The following ROR2 variants were observed in gnomAD, a reference collection of about 807,000 sequenced individuals.
The protein encoded by ROR2 is tyrosine-protein kinase transmembrane receptor ROR2.
Under a neutral mutation model 74.9 loss-of-function variants are expected in ROR2, and 33 were observed. That is an observed-to-expected ratio of 0.44 (90% CI 0.33 to 0.59). The LOEUF (loss-of-function observed/expected upper bound fraction) is 0.59, where lower values mean the gene tolerates loss of function less well. Ranked by LOEUF, ROR2 falls within the 20% of genes least tolerant of loss-of-function variation. ROR2 has a pLI of 0.02. For synonymous variants in ROR2, 586 were observed against 558.7 expected (o/e 1.05, Z -0.69); for missense variants, 1,216 against 1,313.8 (o/e 0.93, Z 1.15).
chr9:91,878,081 C>G (rs1830004102), intron 1 of ROR2, among the ~76,000 whole-genome samples: 2 of 152,134 alleles, frequency 1.3e-5, no homozygotes, highest in Non-Finnish European at 2.9e-5. Context: ...CTGGCTTCCT[C>G]CAGCAAATGG....
chr9:91,853,824 C>A (rs1007415936), intron 1 of ROR2, among the ~76,000 whole-genome samples: 6 of 152,134 alleles, frequency 3.9e-5, no homozygotes, highest in African/African-American at 1.4e-4. Context: ...GCAGCAAGGA[C>A]TGTGGGAAAT....
chr9:91,896,229 T>C (rs888024637), intron 1 of ROR2, among the ~76,000 whole-genome samples: 1 of 152,206 alleles, frequency 6.6e-6, no homozygotes, highest in African/African-American at 2.4e-5. Context: ...CATCTCTCCT[T>C]AGACTGCGTG....
At chr9:91,858,298 C>T (rs1394778038) in intron 1 of ROR2, among the ~76,000 whole-genome samples, 9 of 152,236 alleles carry the variant, frequency 5.9e-5, no homozygotes, top group Non-Finnish European at 1.3e-4. Flanking sequence ...CATGCATCCA[C>T]ACGGGCATAC....
chr9:91,878,586 C>T (rs532374941), intron 1 of ROR2, among the ~76,000 whole-genome samples: 22 of 152,350 alleles, frequency 1.4e-4, no homozygotes, highest in African/African-American at 5.1e-4. Flanking sequence ...ACATCCAGTG[C>T]CTGGCTGGGC....
chr9:91,882,689 GA>G (rs1322226368), intron 1 of ROR2, among the ~76,000 whole-genome samples: 1 of 152,148 alleles, frequency 6.6e-6, no homozygotes, highest in South Asian at 2.1e-4. Flanking sequence ...GTTTTTAAAA[GA>G]GTAATTCAGT....
intron 4 of ROR2, among the ~76,000 whole-genome samples, chr9:91,750,753 C>T (rs902905595): frequency 6.6e-6 from 1 of 152,108 alleles, no homozygotes; most frequent in Admixed American, 6.6e-5. Flanking sequence ...CATGAAAATA[C>T]CACGAGTGTT....
At chr9:91,877,289 T>C (rs1829983667) in intron 1 of ROR2, among the ~76,000 whole-genome samples, 1 of 152,182 alleles carries the variant, frequency 6.6e-6, no homozygotes, top group Non-Finnish European at 1.5e-5. Flanking sequence ...CTCACCACCA[T>C]ACACACAAGG....
intron 2 of ROR2, 49 bp from the exon 3 acceptor site, chr9:91,757,608 A>AG (rs1825801221): frequency 1.9e-6 from 3 of 1,591,726 alleles, no homozygotes; most frequent in Admixed American, 3.5e-5. Context: ...GAGGGCTGGA[A>AG]GGAAGGGCTA....
intron 1 of ROR2, among the ~76,000 whole-genome samples, chr9:91,945,034 T>C (rs1473971477): frequency 6.6e-6 from 1 of 151,538 alleles, no homozygotes; most frequent in African/African-American, 2.4e-5. Context: ...GAGCCGTGTT[T>C]GCACCACTGC....
chr9:91,744,760 G>A (rs1156576922), intron 4 of ROR2, among the ~76,000 whole-genome samples: 1 of 152,196 alleles, frequency 6.6e-6, no homozygotes, highest in Non-Finnish European at 1.5e-5. Flanking sequence ...CTAAGGCCAG[G>A]ATCACATAAG....
At chr9:91,744,884 T>C (rs886139520) in intron 4 of ROR2, among the ~76,000 whole-genome samples, 2 of 152,142 alleles carry the variant, frequency 1.3e-5, no homozygotes, top group African/African-American at 4.8e-5. Context: ...AGCCAAACAC[T>C]TTCCCCCTTG....
chr9:91,787,484 G>A (rs1023806478), intron 1 of ROR2, among the ~76,000 whole-genome samples: 1 of 152,146 alleles, frequency 6.6e-6, no homozygotes, highest in Non-Finnish European at 1.5e-5. Context: ...CAGCCTGGGA[G>A]ACGGAACAAG....
At chr9:91,750,916 T>C (rs146817892) in intron 4 of ROR2, among the ~76,000 whole-genome samples, 18 of 152,364 alleles carry the variant, frequency 1.2e-4, no homozygotes, top group Admixed American at 2.6e-4. Flanking sequence ...AAATGTAATG[T>C]AAAATTACTA....
At chr9:91,899,608 C>T (rs1412096659) in intron 1 of ROR2, among the ~76,000 whole-genome samples, 1 of 151,964 alleles carries the variant, frequency 6.6e-6, no homozygotes, top group African/African-American at 2.4e-5. Context: ...CAGGAGAGAA[C>T]AGAGCCTCCT....
intron 1 of ROR2, among the ~76,000 whole-genome samples, chr9:91,778,929 A>T (rs1826513618): frequency 6.6e-6 from 1 of 152,228 alleles, no homozygotes; most frequent in African/African-American, 2.4e-5. Flanking sequence ...TTAATATGAA[A>T]CAAAAATTTA....
At chr9:91,900,312 C>T (rs543392088) in intron 1 of ROR2, among the ~76,000 whole-genome samples, 1 of 152,010 alleles carries the variant, frequency 6.6e-6, no homozygotes, top group Non-Finnish European at 1.5e-5. Context: ...GAAGGGCAGA[C>T]GGCAGACGCA....
chr9:91,920,975 G>C (rs1228846582), intron 1 of ROR2, among the ~76,000 whole-genome samples: 1 of 152,254 alleles, frequency 6.6e-6, no homozygotes, highest in Non-Finnish European at 1.5e-5. Context: ...AGACTGTTTA[G>C]GATAGCCAAG....
intron 5 of ROR2, among the ~76,000 whole-genome samples, chr9:91,735,377 T>C (rs552285589): frequency 6.6e-6 from 1 of 152,316 alleles, no homozygotes; most frequent in South Asian, 2.1e-4. Context: ...AAAATCTTCA[T>C]TCTAAACTCT....
At chr9:91,774,862 A>G (rs867089733) in intron 2 of ROR2, among the ~76,000 whole-genome samples, 1 of 152,226 alleles carries the variant, frequency 6.6e-6, no homozygotes, top group Non-Finnish European at 1.5e-5. Flanking sequence ...TGTAAGTTTC[A>G]AACTTTAAGA....
Sources: gnomAD v4.1 joint callset for allele counts (sites outside exome capture counted in the v4.1 genomes callset) on GRCh38, gnomAD v4.1.1 for gene constraint, MANE v1.5 for transcripts, NCBI Gene and HGNC (gene_info 2026-07-23, HGNC 2026-07-21) for gene names.